LRRC27: variants seen among roughly 807,000 people sequenced by gnomAD.
LRRC27 encodes the protein leucine rich repeat containing 27, also known as leucine-rich repeat-containing protein 27.
Under a neutral mutation model 55.0 loss-of-function variants are expected in LRRC27, and 57 were observed. That is an observed-to-expected ratio of 1.04 (90% CI 0.84 to 1.29). LRRC27 has a LOEUF of 1.29. LRRC27 is among the 50% of genes most tolerant of loss of function. The pLI is 0.00. For missense variants in LRRC27, 721 were observed against 651.5 expected (o/e 1.11, Z -1.16); for synonymous variants, 278 against 251.9 (o/e 1.10, Z -0.98).
At chr10:132,338,825 T>A (rs1329753654) in intron 3 of LRRC27, among the ~76,000 whole-genome samples, 1 of 151,030 alleles carries the variant, frequency 6.6e-6, no homozygotes, top group Non-Finnish European at 1.5e-5. Flanking sequence ...TCCTCTTGCC[T>A]CAGCCTCCCA....
intron 8 of LRRC27, among the ~76,000 whole-genome samples, chr10:132,360,906 C>T (rs550281272): frequency 2.0e-5 from 3 of 152,258 alleles, no homozygotes; most frequent in South Asian, 2.1e-4. Flanking sequence ...CCCTGAGGTC[C>T]GGAGGGGTCA....
intron 3 of LRRC27, among the ~76,000 whole-genome samples, chr10:132,340,469 G>A (rs1456407209): frequency 6.6e-6 from 1 of 152,094 alleles, no homozygotes; most frequent in East Asian, 1.9e-4. Flanking sequence ...CCGAGAGCGT[G>A]GTGCTGCTCT....
rs1260877930 is a variant in LRRC27 at position 132,364,417 on chromosome 10, G to GCTTACACCCACCCACA, written c.1290-996_1290-995insCCACACTTACACCCAC. On this transcript the variant is annotated intron_variant, in intron 9 of 10. Transcript: ENST00000368614. ...CCCTTACATCTACCTCCACACCCGC[G>GCTTACACCCACCCACA]CTTACACCCACGCTTACATCTACCT... is the stretch of plus-strand genomic sequence containing the variant. 3.0e-3 allele frequency among the ~76,000 whole-genome samples: 21 copies of GCTTACACCCACCCACA among 6,984 alleles called. 1 individual carries two copies. The highest frequency in any genetic ancestry group is 0.022 in the East Asian group (3 of 136). 4.6% of individuals were successfully genotyped at this position (6,984 alleles called of 152,430 possible).
upstream of LRRC27, chr10:132,331,819 C>A: frequency 6.4e-7 from 1 of 1,551,912 alleles, no homozygotes; most frequent in Admixed American, 1.9e-5. Flanking sequence ...GACCACCACC[C>A]CTTCAAGGCC....
chr10:132,347,958 A>G, intron 5 of LRRC27, 26 bp from the exon 6 acceptor site: 1 of 1,566,656 alleles, frequency 6.4e-7, no homozygotes, highest in Non-Finnish European at 8.6e-7. Context: ...GATGGTAGCT[A>G]CTAAAGCGGT....
chr10:132,330,450 C>T (rs2066635922), upstream of LRRC27: 2 of 717,054 alleles, frequency 2.8e-6, no homozygotes, highest in Middle Eastern at 2.3e-4. Context: ...GGCCTCCCCA[C>T]GCTCCTGAGA....
chr10:132,358,621 C>CAGT (rs1209426740), intron 8 of LRRC27, among the ~76,000 whole-genome samples: 3 of 91,866 alleles, frequency 3.3e-5, no homozygotes, highest in African/African-American at 4.5e-5. Context: ...GGTGGTGGAG[C>CAGT]GTGGGGAGGA....
At chr10:132,342,163 G>T in intron 3 of LRRC27, 50 bp from the exon 4 acceptor site, 1 of 1,174,924 alleles carries the variant, frequency 8.5e-7, no homozygotes, top group Non-Finnish European at 1.2e-6. Context: ...TTTGGAGATA[G>T]TCAATTAAAT....
chr10:132,363,548 A>G (rs955374201), intron 9 of LRRC27, among the ~76,000 whole-genome samples: 1 of 152,134 alleles, frequency 6.6e-6, no homozygotes, highest in African/African-American at 2.4e-5. Context: ...GGCTGGCCTC[A>G]GGGAGACCAC....
Position 132,374,915 on chromosome 10 carries a change from T to A in LRRC27, c.1417-151T>A. The A allele has an allele frequency of 1.3e-6, 1 of 773,946 alleles. No homozygotes were observed. The highest frequency in any genetic ancestry group is 2.0e-6 in the Non-Finnish European group (1 of 491,860). 47.9% of individuals were successfully genotyped at this position (773,946 alleles called of 1,614,324 possible). On this transcript the variant is annotated intron_variant, in intron 10 of 10. Coordinates refer to ENST00000368614, the MANE Select transcript of LRRC27 (RefSeq NM_030626.3). The surrounding 1 kb of genome is among the most constrained non-coding windows in gnomAD (Gnocchi z 4.4). ...CCCCATTGCAGGGGGGACCGCGCCG[T>A]GATGCGGCTTGCAGGGGCCCCGGGG...
chr10:132,350,110 A>G (rs1249395602), intron 6 of LRRC27, among the ~76,000 whole-genome samples: 3 of 152,182 alleles, frequency 2.0e-5, no homozygotes, highest in Admixed American at 1.3e-4. Flanking sequence ...GCCCGGTCCA[A>G]GGTGACTCGT....
In LRRC27 at chr10:132,360,111, C is replaced by CATTTATTT. The variant is rs199791859; in HGVS notation, c.1171-1332_1171-1325dup. Among the ~76,000 whole-genome samples the CATTTATTT allele has an allele frequency of 7.2e-5, 11 of 152,106 alleles. No homozygotes were observed. The South Asian group carries it at 1.9e-3, about 26-fold the overall frequency. On this transcript the variant is annotated intron_variant, in intron 8 of 10. Coordinates refer to ENST00000368614, the MANE Select transcript of LRRC27 (RefSeq NM_030626.3). ...AGAAAAAAACACCCACTGGATTTAG[C>CATTTATTT]ATTTATTTATTTATTTATTTACGAG... is the stretch of plus-strand genomic sequence containing the variant.
Position 132,344,742 on chromosome 10 carries a change from T to C in LRRC27, c.553+92T>C, listed in dbSNP as rs369394553. Reference sequence around the variant, plus strand: ...AGAACCTGTCTTCTCTTTAATAACATCCTGAGAAATACAGGAGCCATGGGT... The same window carrying C: ...AGAACCTGTCTTCTCTTTAATAACACCCTGAGAAATACAGGAGCCATGGGT... On this transcript the variant is annotated intron_variant, in intron 5 of 10. Coordinates refer to ENST00000368614, the MANE Select transcript of LRRC27 (RefSeq NM_030626.3). The C allele has an allele frequency of 1.8e-5, 25 of 1,421,806 alleles. 1 individual carries two copies. In the East Asian group the frequency reaches 3.0e-4, roughly 17 times the overall value. 88.1% of individuals were successfully genotyped at this position (1,421,806 alleles called of 1,614,324 possible). A position where few individuals can be genotyped will look rare whatever the true frequency, so the allele number is the denominator to read the frequency against.
rs571778416 is a variant in LRRC27, at chr10:132,369,052, T to C, written c.1416+3502T>C. Among the ~76,000 whole-genome samples the C allele has an allele frequency of 2.3e-4, 35 of 152,242 alleles. No individual in the cohort carries two copies. In the South Asian group the frequency reaches 7.1e-3, roughly 31 times the overall value. On this transcript the variant is annotated intron_variant, in intron 10 of 10. Transcript: ENST00000368614. ...GGCAGATCAGCATGTGAAAAGAAGC[T>C]TCACATTGTGTGTCATCAGAAATGC... is the stretch of plus-strand genomic sequence containing the variant.
At chr10:132,362,439 C>T (rs757786524) in intron 9 of LRRC27, among the ~76,000 whole-genome samples, 50 of 152,120 alleles carry the variant, frequency 3.3e-4, no homozygotes, top group Non-Finnish European at 6.5e-4. Context: ...GGTGGCCCGG[C>T]GAGTTCACGG....
rs370184609 is a variant in LRRC27 at position 132,357,652 on chromosome 10, G to C, written c.1170+1766G>C. ...GGAGGGCTGTGGCTCTGGGGAGGGG[G>C]GCGCAGAGGAGGGGTCGATGCTGCC... On this transcript the variant is annotated intron_variant, in intron 8 of 10. Transcript: ENST00000368614. Among the ~76,000 whole-genome samples the C allele has an allele frequency of 6.4e-4, 98 of 152,350 alleles. No homozygotes were observed. In the East Asian group the frequency reaches 0.018, roughly 28 times the overall value.
rs2069347399 is a variant in LRRC27 at position 132,377,117 on chromosome 10, A to G, written c.*1875A>G. The G allele has an allele frequency of 6.6e-6, 1 of 152,150 alleles. No individual in the cohort carries two copies. The highest frequency in any genetic ancestry group is 2.4e-5 in the African/African-American group (1 of 41,422). The allele number at this position is 152,150 out of a possible 1,614,324, so 9.4% of individuals were successfully genotyped here. ...TGCTGTTTTGGTCAGCGTTTTCATA[A>G]TGCATCTTCTTCCCTCCTTCTACTG... On this transcript the variant is annotated 3_prime_UTR_variant, in exon 11 of 11. Transcript: ENST00000368614.
intron 6 of LRRC27, 107 bp from the exon 7 acceptor site, chr10:132,351,500 A>G: frequency 1.6e-6 from 2 of 1,261,066 alleles, no homozygotes; most frequent in South Asian, 2.7e-5. Flanking sequence ...CTAATTGTTC[A>G]GATGAGCGGA....
intron 8 of LRRC27, among the ~76,000 whole-genome samples, chr10:132,357,583 C>T (rs949665543): frequency 6.6e-6 from 1 of 152,116 alleles, no homozygotes; most frequent in Non-Finnish European, 1.5e-5. Context: ...CACAAAAACT[C>T]TCATTGGTCT....
Sources: gnomAD v4.1 joint callset for allele counts (sites outside exome capture counted in the v4.1 genomes callset) on GRCh38, gnomAD v4.1.1 for gene constraint, Gnocchi (gnomAD v3.1) non-coding constraint, MANE v1.5 for transcripts, NCBI Gene and HGNC (gene_info 2026-07-23, HGNC 2026-07-21) for gene names.